CLUAP1: variants seen among roughly 807,000 people sequenced by gnomAD.
CLUAP1 encodes the protein clusterin-associated protein 1.
A neutral mutation model predicts 55.0 loss-of-function variants in CLUAP1; 50 were observed. The observed-to-expected ratio is 0.91, with a 90% confidence interval of 0.72 to 1.15. The LOEUF (loss-of-function observed/expected upper bound fraction) is 1.15. CLUAP1 is among the 50% of genes most tolerant of loss of function. The pLI is 0.00. For synonymous variants in CLUAP1, 195 were observed against 175.4 expected (o/e 1.11, Z -0.88); for missense variants, 530 against 507.6 (o/e 1.04, Z -0.42).
rs1178652680 is a variant in CLUAP1 at position 3,501,018 on chromosome 16, C to A, written c.-50C>A. On this transcript the variant is annotated 5_prime_UTR_variant, in exon 1 of 12. Transcript: ENST00000576634. ...GATCGTCGAGCGCTGGGCCTGTGATCGCTGAGGGGCGAGCAGTTGCGACCC... is the reference window on the plus strand; with the variant it reads ...GATCGTCGAGCGCTGGGCCTGTGATAGCTGAGGGGCGAGCAGTTGCGACCC... 1 of 1,579,472 alleles carries A rather than the reference C, an allele frequency of 6.3e-7. No individual in the cohort carries two copies. The highest frequency in any genetic ancestry group is 1.7e-5 in the Admixed American group (1 of 57,422).
chr16:3,495,711 CCTT>C, the CLUAP1 span, among the ~76,000 whole-genome samples: 1 of 152,212 alleles, frequency 6.6e-6, no homozygotes, highest in Non-Finnish European at 1.5e-5. Flanking sequence ...ACTGGAGAGT[CCTT>C]CTCTCAGGTG....
At chr16:3,502,443 A>T (rs1191178300) in intron 1 of CLUAP1, among the ~76,000 whole-genome samples, 30 of 120,488 alleles carry the variant, frequency 2.5e-4, no homozygotes, top group African/African-American at 9.0e-4. Context: ...GACTGTCTTT[A>T]AAAAAAAAAA....
At chr16:3,496,632 G>C (rs533936929), upstream of CLUAP1, 1 of 532,338 alleles carries the variant, frequency 1.9e-6, no homozygotes, top group Non-Finnish European at 3.7e-6. Context: ...TCCGGTCTTC[G>C]CAAGGGCCGA....
At chr16:3,507,633 G>A (rs1216875480) in intron 3 of CLUAP1, among the ~76,000 whole-genome samples, 1 of 151,190 alleles carries the variant, frequency 6.6e-6, no homozygotes, top group East Asian at 1.9e-4. Context: ...TCTGCCCTGG[G>A]CCAAGTTCCA....
At chr16:3,515,416 A>G in intron 5 of CLUAP1, 92 bp from the exon 6 acceptor site, 1 of 847,478 alleles carries the variant, frequency 1.2e-6, no homozygotes, top group Middle Eastern at 3.2e-4. Context: ...AACTTCGGAG[A>G]ATCAGTCTAT....
At chr16:3,527,154 C>G (rs1379316684) in intron 9 of CLUAP1, among the ~76,000 whole-genome samples, 1 of 151,926 alleles carries the variant, frequency 6.6e-6, no homozygotes, top group South Asian at 2.1e-4. Context: ...ACCGAGAGCA[C>G]GAGCTGTTCC....
Position 3,508,360 on chromosome 16 carries a change from G to A in CLUAP1, c.291G>A (p.Leu97=), listed in dbSNP as rs750707833. Residue 97 remains leucine (L), a synonymous_variant, in exon 4 of 12, where the codon CTG becomes CTA. Transcript: ENST00000576634. ...YQADGYAVKE[L]LKITSVLYNA... ...CAGATGGGTATGCGGTAAAAGAGCTGCTGAAGATCACATCTGTCCTTTATA... is the reference window on the plus strand; with the variant it reads ...CAGATGGGTATGCGGTAAAAGAGCTACTGAAGATCACATCTGTCCTTTATA... The A allele has an allele frequency of 6.2e-7, 1 of 1,610,534 alleles. No homozygotes were observed. Among genetic ancestry groups the A allele is most frequent in the African/African-American group, 1.3e-5 (1 of 74,756 alleles).
At chr16:3,496,903 C>G, upstream of CLUAP1, 1 of 300,440 alleles carries the variant, frequency 3.3e-6, no homozygotes, top group Non-Finnish European at 6.4e-6. Context: ...TGGAGTCTCA[C>G]TTTGGCGCCC....
chr16:3,525,224 T>G (rs2037918628), intron 8 of CLUAP1, among the ~76,000 whole-genome samples: 1 of 152,146 alleles, frequency 6.6e-6, no homozygotes, highest in Non-Finnish European at 1.5e-5. Flanking sequence ...ATTGGGTACC[T>G]GGGAAAGAAC....
rs534199350 is a variant in CLUAP1 at position 3,536,705 on chromosome 16, G to A, written c.*434G>A. 2 of 161,128 alleles carry A rather than the reference G, an allele frequency of 1.2e-5. No individual in the cohort carries two copies. The highest frequency in any genetic ancestry group is 4.8e-5 in the African/African-American group (2 of 41,742). 10.0% of individuals were successfully genotyped at this position (161,128 alleles called of 1,614,324 possible). On this transcript the variant is annotated 3_prime_UTR_variant, in exon 12 of 12. Transcript: ENST00000576634. Reference sequence around the variant, plus strand: ...GGGAACATCTGGCTGTTAATCACTTGCACAGTTGAGAACATTTCCTATACA... The same window carrying A: ...GGGAACATCTGGCTGTTAATCACTTACACAGTTGAGAACATTTCCTATACA...
At chr16:3,496,544 C>T (rs1257331460), upstream of CLUAP1, 1 of 553,748 alleles carries the variant, frequency 1.8e-6, no homozygotes, top group Non-Finnish European at 3.5e-6. Context: ...CAGCGGCATC[C>T]TCAGGGTGGG....
At chr16:3,535,641 C>T (rs938448847) in intron 11 of CLUAP1, 6 of 154,150 alleles carry the variant, frequency 3.9e-5, no homozygotes, top group African/African-American at 1.5e-4. Context: ...CTCACTGCAC[C>T]TCTGCCTCCC....
chr16:3,498,258 G>A (rs553831101), upstream of CLUAP1, among the ~76,000 whole-genome samples: 1 of 152,114 alleles, frequency 6.6e-6, no homozygotes, highest in African/African-American at 2.4e-5. Context: ...CAGCAGATTG[G>A]ATGATGCCCA....
chr16:3,512,381 A>G lies in CLUAP1; in HGVS notation c.400-2A>G. ...TTTCTGTTTTTGTTATTTTCCTTCC[A>G]GATTGCAGATTTGAAGGCAGCCAGG... is the stretch of plus-strand genomic sequence containing the variant. On this transcript the variant is annotated splice_acceptor_variant, in intron 4 of 11. Transcript: ENST00000576634. LOFTEE classifies it high-confidence loss of function. 6.2e-7 allele frequency: 1 copy of G among 1,612,418 alleles called. No homozygotes were observed. The highest frequency in any genetic ancestry group is 8.5e-7 in the Non-Finnish European group (1 of 1,178,548).
intron 9 of CLUAP1, among the ~76,000 whole-genome samples, chr16:3,530,302 T>C (rs886420638): frequency 3.3e-5 from 5 of 152,142 alleles, no homozygotes; most frequent in Non-Finnish European, 7.4e-5. Flanking sequence ...CAATTGACTT[T>C]AGTTTACCTG....
Position 3,516,313 on chromosome 16 carries a change from T to G in CLUAP1, c.579+722T>G, listed in dbSNP as rs2037728812. Among the ~76,000 whole-genome samples, 3 of 152,178 alleles carry G rather than the reference T, an allele frequency of 2.0e-5. No homozygotes were observed. The South Asian group carries it at 6.2e-4, about 31-fold the overall frequency. On this transcript the variant is annotated intron_variant, in intron 6 of 11. Transcript: ENST00000576634. The stretch of plus-strand genomic sequence containing the variant: ...TTCAGAGTAGGCATAAAACAAGAAT[T>G]TGCTATGAGTTGTACAAAATTCTAA...
chr16:3,515,982 C>T (rs941918175), intron 6 of CLUAP1, among the ~76,000 whole-genome samples: 5 of 152,138 alleles, frequency 3.3e-5, no homozygotes, highest in Admixed American at 1.3e-4. Context: ...GTTTACTGCT[C>T]GCTCACATCA....
rs80187466 is a variant in CLUAP1, at chr16:3,504,840, G to A, written c.134+9G>A. ...CTCTGGCTTGTGAAAAGGTTCGAAC[G>A]GCACTTTATTGACATCTAAGAGTGA... On this transcript the variant is annotated intron_variant, in intron 2 of 11. Coordinates refer to ENST00000576634, the MANE Select transcript of CLUAP1 (RefSeq NM_015041.3). 14 of 1,470,186 alleles carry A rather than the reference G, an allele frequency of 9.5e-6. No homozygotes were observed. Among genetic ancestry groups the A allele is most frequent in the African/African-American group, 4.2e-5 (3 of 71,688 alleles). The allele number at this position is 1,470,186 out of a possible 1,614,324, so 91.1% of individuals were successfully genotyped here.
Position 3,508,366 on chromosome 16 carries a change from G to A in CLUAP1, c.297G>A (p.Lys99=). 1.2e-6 allele frequency: 2 copies of A among 1,610,108 alleles called. No individual in the cohort carries two copies. The highest frequency in any genetic ancestry group is 1.7e-6 in the Non-Finnish European group (2 of 1,179,042). Residue 99 remains lysine, a synonymous_variant, in exon 4 of 12, where the codon AAG becomes AAA. Coordinates refer to ENST00000576634, the MANE Select transcript of CLUAP1 (RefSeq NM_015041.3). ...GGTATGCGGTAAAAGAGCTGCTGAA[G>A]ATCACATCTGTCCTTTATAATGCTA... ...ADGYAVKELL[K]ITSVLYNAMK...
Sources: gnomAD v4.1 joint callset for allele counts (sites outside exome capture counted in the v4.1 genomes callset) on GRCh38, gnomAD v4.1.1 for gene constraint, MANE v1.5 for transcripts, NCBI Gene and HGNC (gene_info 2026-07-23, HGNC 2026-07-21) for gene names.